The following SNTG1 variants were observed in gnomAD, a reference collection of about 807,000 sequenced individuals.
SNTG1 encodes the protein gamma-1-syntrophin.
In SNTG1, 39 loss-of-function variants were observed where a neutral mutation model predicts 74.7. The observed-to-expected ratio is 0.52, with a 90% CI of 0.40 to 0.68. The LOEUF (loss-of-function observed/expected upper bound fraction) is 0.68. SNTG1 is among the 30% of genes least tolerant of loss of function. The pLI is 0.00. For missense variants in SNTG1, 685 were observed against 609.5 expected (o/e 1.12, Z -1.30); for synonymous variants, 254 against 217.1 (o/e 1.17, Z -1.49).
chr8:50,586,796 G>T (rs992735253), intron 12 of SNTG1, among the ~76,000 whole-genome samples: 5 of 151,854 alleles, frequency 3.3e-5, no homozygotes, highest in Admixed American at 3.3e-4. Context: ...TCTGGGGGTT[G>T]TTTTGATGAC....
rs898588244 is a variant in SNTG1 at position 50,338,159 on chromosome 8, A to G, written c.-27-56053A>G. ...AAAAAAAATAAATAAATAAAAATAA[A>G]TAAATAAAAATAAGTATTTTTTGAG... is the stretch of plus-strand genomic sequence containing the variant. On this transcript the variant is annotated intron_variant, in intron 2 of 18. Coordinates refer to ENST00000642720, the MANE Select transcript of SNTG1 (RefSeq NM_018967.5). Among the ~76,000 whole-genome samples, 9 of 151,994 alleles carry G rather than the reference A, an allele frequency of 5.9e-5. No homozygotes were observed. In the East Asian group the frequency reaches 9.6e-4, roughly 16 times the overall value.
At chr8:50,394,980 A>G (rs924368378) in intron 3 of SNTG1, among the ~76,000 whole-genome samples, 10 of 151,784 alleles carry the variant, frequency 6.6e-5, no homozygotes, top group African/African-American at 1.9e-4. Context: ...TTTATTGTAT[A>G]TAAACAACTC....
intron 17 of SNTG1, among the ~76,000 whole-genome samples, chr8:50,750,878 C>T (rs368354536): frequency 5.3e-5 from 8 of 151,880 alleles, no homozygotes; most frequent in African/African-American, 1.5e-4. Context: ...GGAACAAAAT[C>T]CACAAAAGCC....
intron 1 of SNTG1, among the ~76,000 whole-genome samples, chr8:49,990,836 A>G (rs1294425183): frequency 1.3e-5 from 2 of 152,196 alleles, no homozygotes; most frequent in Admixed American, 6.5e-5. Flanking sequence ...TACAAATATT[A>G]TTCTTAGAAG....
intron 15 of SNTG1, among the ~76,000 whole-genome samples, chr8:50,680,733 G>T (rs1365071397): frequency 6.6e-6 from 1 of 152,010 alleles, no homozygotes; most frequent in African/African-American, 2.4e-5. Flanking sequence ...ACATCCTAGG[G>T]CTCTGGTGAC....
intron 2 of SNTG1, among the ~76,000 whole-genome samples, chr8:50,327,212 A>G (rs2090784916): frequency 6.6e-6 from 1 of 152,172 alleles, no homozygotes; most frequent in South Asian, 2.1e-4. Flanking sequence ...TTCAACTATA[A>G]GCTTACTGCC....
chr8:50,590,328 A>G (rs1230328698), intron 12 of SNTG1, among the ~76,000 whole-genome samples: 2 of 152,140 alleles, frequency 1.3e-5, no homozygotes, highest in Admixed American at 1.3e-4. Flanking sequence ...GTTTGTTTCC[A>G]TGGCATATGA....
At chr8:50,753,234 T>TG (rs1444139784) in intron 18 of SNTG1, among the ~76,000 whole-genome samples, 2 of 151,982 alleles carry the variant, frequency 1.3e-5, no homozygotes, top group African/African-American at 4.8e-5. Flanking sequence ...ACTGCTCCTC[T>TG]TCTCCCACCT....
intron 1 of SNTG1, among the ~76,000 whole-genome samples, chr8:50,020,295 C>T (rs909449649): frequency 7.2e-5 from 11 of 151,982 alleles, no homozygotes; most frequent in Admixed American, 3.3e-4. Flanking sequence ...TAAGCCTTTA[C>T]TTTCTTGGGA....
At position 50,119,746 on chromosome 8, in the gene SNTG1, C is replaced by T. The variant is rs886701397; in HGVS notation, c.-102-52815C>T. ...ACAATGTAAGGACAATTACTATACC[C>T]CTATCAGATGAGAAACTGAGGCATA... On this transcript the variant is annotated intron_variant, in intron 1 of 18. Coordinates refer to ENST00000642720, the MANE Select transcript of SNTG1 (RefSeq NM_018967.5). Among the ~76,000 whole-genome samples the T allele has an allele frequency of 3.5e-5, 5 of 140,950 alleles. 2 individuals carry two copies. The South Asian group carries it at 1.3e-3, about 38-fold the overall frequency. 92.5% of individuals were successfully genotyped at this position (140,950 alleles called of 152,430 possible). A position where few individuals can be genotyped will look rare whatever the true frequency, so the allele number is the denominator to read the frequency against.
intron 2 of SNTG1, among the ~76,000 whole-genome samples, chr8:50,335,089 G>A (rs1417191940): frequency 2.0e-5 from 3 of 152,214 alleles, no homozygotes; most frequent in African/African-American, 7.2e-5. Context: ...TATATTAAGT[G>A]TTCAAACAAT....
intron 15 of SNTG1, among the ~76,000 whole-genome samples, chr8:50,700,337 A>C (rs2095419188): frequency 6.6e-6 from 1 of 152,186 alleles, no homozygotes; most frequent in Admixed American, 6.5e-5. Flanking sequence ...CAAAGGTAGA[A>C]ACTCTAGTAA....
At chr8:49,919,949 C>T (rs564359907) in intron 1 of SNTG1, among the ~76,000 whole-genome samples, 12 of 152,168 alleles carry the variant, frequency 7.9e-5, no homozygotes, top group South Asian at 4.1e-4. Flanking sequence ...AATACAATAG[C>T]GCACACTTAG....
At chr8:50,245,451 G>A (rs2086353726) in intron 2 of SNTG1, among the ~76,000 whole-genome samples, 1 of 152,138 alleles carries the variant, frequency 6.6e-6, no homozygotes, top group Non-Finnish European at 1.5e-5. Context: ...GGAAGGCTGA[G>A]GCGTGCGGAT....
intron 11 of SNTG1, among the ~76,000 whole-genome samples, chr8:50,540,376 A>G (rs977039518): frequency 6.6e-6 from 1 of 152,104 alleles, no homozygotes; most frequent in East Asian, 1.9e-4. Flanking sequence ...AGATGATTTC[A>G]ATACTTTGAT....
At chr8:50,488,507 A>G (rs1467309675) in intron 8 of SNTG1, among the ~76,000 whole-genome samples, 1 of 152,090 alleles carries the variant, frequency 6.6e-6, no homozygotes, top group Non-Finnish European at 1.5e-5. Context: ...AACTCTCCAC[A>G]CAGCTCTGCT....
At chr8:50,309,835 C>T (rs76802275) in intron 2 of SNTG1, among the ~76,000 whole-genome samples, 4 of 152,064 alleles carry the variant, frequency 2.6e-5, no homozygotes, top group Admixed American at 1.3e-4. Context: ...TCAAAAAAAA[C>T]CTTTTTATTG....
At chr8:50,662,694 A>G (rs1004899531) in intron 15 of SNTG1, among the ~76,000 whole-genome samples, 2 of 152,122 alleles carry the variant, frequency 1.3e-5, no homozygotes, top group African/African-American at 4.8e-5. Flanking sequence ...CCTGGTACTG[A>G]TGAGAGAGCA....
chr8:50,568,972 A>T (rs886094773), intron 12 of SNTG1: 4 of 152,258 alleles, frequency 2.6e-5, no homozygotes, highest in Admixed American at 2.0e-4. Context: ...AAGGAAAGAA[A>T]AGGAAGAGGG....
Sources: allele counts gnomAD v4.1 joint callset (sites outside exome capture counted in the v4.1 genomes callset), GRCh38; gene constraint gnomAD v4.1.1; transcripts MANE v1.5; gene names NCBI Gene and HGNC (gene_info 2026-07-23, HGNC 2026-07-21).